Variants in CTNNA2 observed in about 807,000 individuals in gnomAD.
The protein encoded by CTNNA2 is catenin alpha-2.
In CTNNA2, 42 loss-of-function variants were observed where a neutral mutation model predicts 101.0. The observed-to-expected ratio is 0.42, with a 90% CI of 0.32 to 0.54. The LOEUF is 0.54. CTNNA2 is among the 20% of genes least tolerant of loss of function. CTNNA2 has a pLI of 0.14. For missense variants in CTNNA2, 871 were observed against 1,223.1 expected (o/e 0.71, Z 4.29); for synonymous variants, 450 against 456.4 (o/e 0.99, Z 0.18).
At chr2:80,000,089 T>G (rs528459860) in intron 7 of CTNNA2, among the ~76,000 whole-genome samples, 3 of 152,238 alleles carry the variant, frequency 2.0e-5, no homozygotes, top group Non-Finnish European at 2.9e-5. Context: ...GAATCCTTGT[T>G]TTTTGGCCAC....
chr2:79,873,885 A>T (rs759785584), intron 5 of CTNNA2, among the ~76,000 whole-genome samples, 191 bp from the exon 6 acceptor site: 17 of 152,178 alleles, frequency 1.1e-4, no homozygotes, highest in African/African-American at 3.9e-4. Context: ...CTAGGTCACT[A>T]TAGAGACCTA....
intron 18 of CTNNA2, among the ~76,000 whole-genome samples, chr2:80,620,974 G>GT (rs1671059408): frequency 6.6e-6 from 1 of 151,938 alleles, no homozygotes; most frequent in Non-Finnish European, 1.5e-5. Flanking sequence ...GATGTTCAGT[G>GT]TTTTTTAAAT....
upstream of CTNNA2, chr2:79,512,883 C>G (rs1489432928): frequency 2.0e-5 from 3 of 150,810 alleles, no homozygotes; most frequent in Non-Finnish European, 4.4e-5. Context: ...ACGGGGACCG[C>G]GGGGGCGCGC....
At chr2:80,422,017 C>T (rs547032218) in intron 9 of CTNNA2, among the ~76,000 whole-genome samples, 1 of 152,130 alleles carries the variant, frequency 6.6e-6, no homozygotes, top group Non-Finnish European at 1.5e-5. Context: ...TTTCTATGTA[C>T]ATAGTCATGT....
chr2:80,558,796 T>TTTG (rs139460203), intron 12 of CTNNA2, among the ~76,000 whole-genome samples: 8 of 151,932 alleles, frequency 5.3e-5, no homozygotes, highest in East Asian at 3.9e-4. Flanking sequence ...TGTCATGGTT[T>TTTG]TTGTTGTTGT....
At chr2:80,391,979 A>G (rs910157952) in intron 7 of CTNNA2, among the ~76,000 whole-genome samples, 13 of 152,210 alleles carry the variant, frequency 8.5e-5, no homozygotes, top group African/African-American at 2.4e-4. Context: ...TGAAAACCCT[A>G]TAGGGCTGTG....
chr2:79,800,811 A>G (rs981439054), intron 3 of CTNNA2, among the ~76,000 whole-genome samples: 13 of 152,332 alleles, frequency 8.5e-5, no homozygotes, highest in African/African-American at 2.9e-4. Flanking sequence ...TAGGGGACTT[A>G]CCAGATGAGC....
intron 3 of CTNNA2, among the ~76,000 whole-genome samples, chr2:79,774,680 G>C (rs1023579608): frequency 3.3e-5 from 5 of 152,126 alleles, no homozygotes; most frequent in African/African-American, 1.2e-4. Context: ...TACAAACTAT[G>C]TATTTCATTT....
chr2:80,141,506 C>G (rs1025615680), intron 7 of CTNNA2, among the ~76,000 whole-genome samples: 1 of 151,950 alleles, frequency 6.6e-6, no homozygotes, highest in Admixed American at 6.6e-5. Context: ...ATATCCACCC[C>G]CTCCAACCCT....
chr2:80,410,318 C>A (rs541458688), intron 8 of CTNNA2, among the ~76,000 whole-genome samples: 1 of 152,190 alleles, frequency 6.6e-6, no homozygotes, highest in Non-Finnish European at 1.5e-5. Flanking sequence ...ATTGCTAGAG[C>A]AGGTATGATC....
chr2:80,638,041 C>T (rs1673062792), intron 18 of CTNNA2, among the ~76,000 whole-genome samples: 1 of 152,068 alleles, frequency 6.6e-6, no homozygotes, highest in Admixed American at 6.5e-5. Context: ...TCATGGGTTC[C>T]TAGATAATTG....
chr2:79,460,017 T>A (rs2104534689), intron 4 of CTNNA2, among the ~76,000 whole-genome samples: 2 of 152,300 alleles, frequency 1.3e-5, no homozygotes, highest in South Asian at 4.1e-4. Context: ...TTGTATCCTG[T>A]GTACCTAGGA....
chr2:79,273,789 C>T (rs1376103640), intron 2 of CTNNA2, among the ~76,000 whole-genome samples: 1 of 151,344 alleles, frequency 6.6e-6, no homozygotes, highest in Non-Finnish European at 1.5e-5. Flanking sequence ...TAAATGAGCG[C>T]TGACAGCAAG....
chr2:79,698,999 G>A (rs1477007348), intron 2 of CTNNA2, among the ~76,000 whole-genome samples: 7 of 152,020 alleles, frequency 4.6e-5, no homozygotes, highest in Non-Finnish European at 8.8e-5. Flanking sequence ...AAATTGAGTG[G>A]TGACCAGGAT....
chr2:80,545,405 G>T (rs1673162355), intron 10 of CTNNA2, among the ~76,000 whole-genome samples: 1 of 149,680 alleles, frequency 6.7e-6, no homozygotes, highest in African/African-American at 2.5e-5. Flanking sequence ...CTAGCTGGGT[G>T]TGGTGGGGGC....
At chr2:79,984,124 A>G (rs1558700012) in intron 7 of CTNNA2, among the ~76,000 whole-genome samples, 1 of 152,212 alleles carries the variant, frequency 6.6e-6, no homozygotes. Context: ...TAGAATTGGC[A>G]TGTTCAATTT....
chr2:79,677,641 T>C (rs774145207), intron 2 of CTNNA2, among the ~76,000 whole-genome samples: 22 of 152,136 alleles, frequency 1.4e-4, no homozygotes, highest in Non-Finnish European at 2.8e-4. Flanking sequence ...TTCACTGAAC[T>C]CTCATAATAA....
intron 3 of CTNNA2, among the ~76,000 whole-genome samples, chr2:79,817,489 C>T (rs1222420904): frequency 1.3e-5 from 2 of 151,984 alleles, no homozygotes; most frequent in South Asian, 2.1e-4. Flanking sequence ...TAGAGGGCTG[C>T]ACTTCCACTC....
chr2:79,819,977 G>A (rs1677874351), intron 3 of CTNNA2, among the ~76,000 whole-genome samples: 3 of 151,790 alleles, frequency 2.0e-5, no homozygotes, highest in Admixed American at 6.6e-5. Context: ...ACAAAAACAA[G>A]CAATCTCATG....
Sources: allele counts gnomAD v4.1 joint callset (sites outside exome capture counted in the v4.1 genomes callset), GRCh38; gene constraint gnomAD v4.1.1; transcripts MANE v1.5; gene names NCBI Gene and HGNC (gene_info 2026-07-23, HGNC 2026-07-21).